The following THSD4 variants were observed in gnomAD, a reference collection of about 807,000 sequenced individuals.
The protein encoded by THSD4 is thrombospondin type 1 domain containing 4, also known as thrombospondin type-1 domain-containing protein 4.
Under a neutral mutation model 119.0 loss-of-function variants are expected in THSD4, and 69 were observed. That is an observed-to-expected ratio of 0.58 (90% CI 0.48 to 0.71). THSD4 has a LOEUF of 0.71. Among genes scored for constraint, THSD4 ranks in the 30% least tolerant of loss-of-function variants. The pLI is 0.00. For synonymous variants in THSD4, 524 were observed against 540.4 expected, an observed-to-expected ratio of 0.97 and a Z score of 0.42; for missense variants, 1,393 against 1,391.1, an observed-to-expected ratio of 1.00 and a Z score of -0.02.
At chr15:71,103,637 C>T (rs1338320909) in intron 1 of THSD4, among the ~76,000 whole-genome samples, 2 of 152,092 alleles carry the variant, frequency 1.3e-5, no homozygotes, top group Non-Finnish European at 1.5e-5. Context: ...CTCTTGTGAA[C>T]ACTGCTCCTC....
At chr15:71,423,827 G>C (rs1400017045) in intron 7 of THSD4, among the ~76,000 whole-genome samples, 2 of 152,184 alleles carry the variant, frequency 1.3e-5, no homozygotes, top group African/African-American at 4.8e-5. Context: ...GCCCACCGTG[G>C]CAAGCCTTGC....
At chr15:71,678,039 G>A (rs907452066) in intron 8 of THSD4, among the ~76,000 whole-genome samples, 14 of 152,154 alleles carry the variant, frequency 9.2e-5, no homozygotes, top group African/African-American at 3.1e-4. Flanking sequence ...GCTGTTAATC[G>A]CTCCCAGGTC....
intron 7 of THSD4, among the ~76,000 whole-genome samples, chr15:71,570,030 A>AT (rs1478784232): frequency 2.6e-5 from 4 of 152,158 alleles, no homozygotes; most frequent in African/African-American, 9.7e-5. Flanking sequence ...TTATTTATTT[A>AT]TTGAGTTAAG....
intron 7 of THSD4, among the ~76,000 whole-genome samples, chr15:71,567,678 G>C (rs1041888585): frequency 2.0e-5 from 3 of 151,930 alleles, no homozygotes; most frequent in African/African-American, 7.3e-5. Flanking sequence ...AGAGAGGAAG[G>C]AATGTAGCAG....
intron 6 of THSD4, among the ~76,000 whole-genome samples, chr15:71,263,331 G>GTATATATATATA (rs60448462): frequency 0.058 from 8,019 of 138,636 alleles, 458 homozygotes; most frequent in Admixed American, 0.13. Context: ...GTATTCCATG[G>GTATATATATATA]TATATATATA....
intron 7 of THSD4, among the ~76,000 whole-genome samples, chr15:71,619,237 G>T (rs2050376969): frequency 6.6e-6 from 1 of 152,160 alleles, no homozygotes; most frequent in South Asian, 2.1e-4. Context: ...CTCCCAAAGT[G>T]CTGGGATTAC....
intron 7 of THSD4, among the ~76,000 whole-genome samples, chr15:71,611,660 G>C (rs1039698576): frequency 2.0e-5 from 3 of 152,246 alleles, no homozygotes; most frequent in African/African-American, 7.2e-5. Flanking sequence ...GCAGAGAACA[G>C]AGAAGGATTA....
chr15:71,124,770 C>T (rs1012038595), intron 1 of THSD4, among the ~76,000 whole-genome samples: 37 of 152,242 alleles, frequency 2.4e-4, no homozygotes, highest in African/African-American at 7.7e-4. Context: ...TGGCTAGGCA[C>T]GGTGGCTCAT....
chr15:71,383,383 A>G (rs1248925039), intron 6 of THSD4, among the ~76,000 whole-genome samples: 2 of 152,214 alleles, frequency 1.3e-5, no homozygotes, highest in Non-Finnish European at 2.9e-5. Context: ...TCTCAAAGGC[A>G]CGGAACTGAG....
chr15:71,541,102 T>C (rs571519446), intron 7 of THSD4, among the ~76,000 whole-genome samples: 84 of 152,342 alleles, frequency 5.5e-4, no homozygotes, highest in African/African-American at 1.9e-3. Context: ...ATAGAAATGC[T>C]GTCCACCAGT....
At chr15:71,199,843 CTGTGTGTGATGCATGTGTGGGGTGTGTG>C (rs1215918212) in intron 3 of THSD4, among the ~76,000 whole-genome samples, 112 of 81,076 alleles carry the variant, frequency 1.4e-3, no homozygotes, top group South Asian at 3.0e-3. Context: ...TGTGTGTGTG[CTGTGTGTGATGCATGTGTGGGGTGTGTG>C]TGTGTGTGGT....
intron 7 of THSD4, among the ~76,000 whole-genome samples, chr15:71,461,295 G>A (rs973484191): frequency 2.6e-5 from 4 of 152,202 alleles, no homozygotes; most frequent in African/African-American, 9.7e-5. Context: ...TCACAATATG[G>A]CACTGACTTC....
intron 7 of THSD4, among the ~76,000 whole-genome samples, chr15:71,478,075 A>G (rs1255042320): frequency 1.3e-5 from 2 of 152,198 alleles, no homozygotes; most frequent in African/African-American, 4.8e-5. Flanking sequence ...GTTGCTCATT[A>G]CATTCCATAA....
intron 6 of THSD4, among the ~76,000 whole-genome samples, chr15:71,307,239 A>G (rs1488488316): frequency 6.6e-6 from 1 of 152,184 alleles, no homozygotes; most frequent in Non-Finnish European, 1.5e-5. Context: ...CAGGTCCTCC[A>G]TGATGGGAAG....
chr15:71,718,258 T>C (rs771139342), intron 8 of THSD4, among the ~76,000 whole-genome samples: 1 of 152,118 alleles, frequency 6.6e-6, no homozygotes, highest in Non-Finnish European at 1.5e-5. Context: ...GAGAAAGATA[T>C]CAGGTTTCTC....
chr15:71,563,550 G>A lies in THSD4; in HGVS notation c.1153-96980G>A, dbSNP rs76915780. The stretch of plus-strand genomic sequence containing the variant: ...TTAAATCCGGATACACATCATAATG[G>A]TTAAGCCAAATAACACTTAATCATT... On this transcript the variant is annotated intron_variant, in intron 7 of 17. Transcript: ENST00000261862. Among the ~76,000 whole-genome samples, 594 of 152,222 alleles carry A rather than the reference G, an allele frequency of 3.9e-3. 5 individuals are homozygous for A. Among genetic ancestry groups the A allele is most frequent in the African/African-American group, 0.014 (567 of 41,524 alleles).
intron 7 of THSD4, among the ~76,000 whole-genome samples, chr15:71,618,382 A>G (rs980221110): frequency 1.3e-5 from 2 of 152,242 alleles, no homozygotes; most frequent in Admixed American, 6.5e-5. Context: ...AACTATACGC[A>G]TATGTGTCGA....
At chr15:71,531,271 G>A (rs548371234) in intron 7 of THSD4, among the ~76,000 whole-genome samples, 1 of 152,106 alleles carries the variant, frequency 6.6e-6, no homozygotes, top group Admixed American at 6.5e-5. Flanking sequence ...AATAGGAAAC[G>A]CCTGAAGTAA....
intron 7 of THSD4, among the ~76,000 whole-genome samples, chr15:71,451,830 T>C (rs939938121): frequency 3.9e-5 from 6 of 152,184 alleles, no homozygotes; most frequent in African/African-American, 9.7e-5. Context: ...GTTTTGGTCC[T>C]GAGGAAAGAG....
Sources: allele counts gnomAD v4.1 joint callset (sites outside exome capture counted in the v4.1 genomes callset), GRCh38; gene constraint gnomAD v4.1.1; transcripts MANE v1.5; gene names NCBI Gene and HGNC (gene_info 2026-07-23, HGNC 2026-07-21).